The following KSR2 variants were observed in gnomAD, a reference collection of about 807,000 sequenced individuals.
KSR2 encodes kinase suppressor of ras 2.
KSR2 carries 25 observed loss-of-function variants against 107.8 expected under a neutral mutation model. The observed-to-expected ratio is 0.23, with a 90% CI of 0.17 to 0.32. KSR2 has a LOEUF of 0.32. Among genes scored for constraint, KSR2 ranks in the 10% least tolerant of loss-of-function variants. KSR2 has a pLI of 1.00. For synonymous variants in KSR2, 480 were observed against 507.0 expected (o/e 0.95, Z 0.71); for missense variants, 887 against 1,268.9 (o/e 0.70, Z 4.57).
At chr12:117,868,757 CTT>C (rs111436269) in intron 1 of KSR2, among the ~76,000 whole-genome samples, 2 of 148,052 alleles carry the variant, frequency 1.4e-5, no homozygotes, top group Admixed American at 6.7e-5. Flanking sequence ...ATTTTCTTTT[CTT>C]TTTTTTTTTG....
chr12:117,828,727 G>A (rs1891847416), intron 3 of KSR2, among the ~76,000 whole-genome samples: 1 of 152,172 alleles, frequency 6.6e-6, no homozygotes, highest in Non-Finnish European at 1.5e-5. Context: ...GCTTCCAGAA[G>A]GCATCCAGTA....
chr12:117,712,443 C>A (rs1014285054), intron 4 of KSR2, among the ~76,000 whole-genome samples: 4 of 152,172 alleles, frequency 2.6e-5, no homozygotes, highest in African/African-American at 9.7e-5. Flanking sequence ...GACAGAAACA[C>A]CACTAGCCGG....
At chr12:117,528,143 G>A (rs1048451810) in intron 12 of KSR2, among the ~76,000 whole-genome samples, 2 of 152,158 alleles carry the variant, frequency 1.3e-5, no homozygotes, top group African/African-American at 2.4e-5. Flanking sequence ...GTGTGCATGT[G>A]AGTTGGGTGT....
chr12:117,555,653 T>C (rs187981025), intron 8 of KSR2, among the ~76,000 whole-genome samples: 1 of 152,354 alleles, frequency 6.6e-6, no homozygotes, highest in East Asian at 1.9e-4. Context: ...TGGTGCCCTG[T>C]CCCTAACTTT....
At chr12:117,673,688 A>T (rs1385363111) in intron 4 of KSR2, among the ~76,000 whole-genome samples, 1 of 152,162 alleles carries the variant, frequency 6.6e-6, no homozygotes, top group Non-Finnish European at 1.5e-5. Flanking sequence ...GGTCAGGGGG[A>T]AAAAACAGAC....
At chr12:117,872,632 C>A (rs1893688228) in intron 1 of KSR2, among the ~76,000 whole-genome samples, 1 of 152,052 alleles carries the variant, frequency 6.6e-6, no homozygotes, top group African/African-American at 2.4e-5. Flanking sequence ...AATCTGGAGA[C>A]AGCCCAGGAA....
intron 5 of KSR2, among the ~76,000 whole-genome samples, chr12:117,600,050 A>T (rs10774943): frequency 0.43 from 65,307 of 151,856 alleles, 16,463 homozygotes; most frequent in African/African-American, 0.71. Flanking sequence ...TTGAGTGACC[A>T]GCAAGCTCTC....
chr12:117,864,881 T>G (rs1042709958), intron 1 of KSR2, among the ~76,000 whole-genome samples: 1 of 152,098 alleles, frequency 6.6e-6, no homozygotes, highest in Non-Finnish European at 1.5e-5. Flanking sequence ...TCTGAGACAT[T>G]GAGGATTAGG....
At chr12:117,524,251 GA>G (rs1229711047) in intron 14 of KSR2, among the ~76,000 whole-genome samples, 1 of 152,212 alleles carries the variant, frequency 6.6e-6, no homozygotes, top group African/African-American at 2.4e-5. Context: ...CACATATGGA[GA>G]AAGTGACTCT....
In KSR2 at chr12:117,565,034, G is replaced by A. The variant is rs1010924819; in HGVS notation, c.1326-6461C>T. On this transcript the variant is annotated intron_variant, in intron 7 of 19. Coordinates refer to ENST00000339824, the MANE Select transcript of KSR2 (RefSeq NM_173598.6). Reference sequence around the variant, plus strand: ...CAAACTGGATCTCCATGGGAACTGCGGGGGACAAATGGTCTCTTTCACAAG... The same window carrying A: ...CAAACTGGATCTCCATGGGAACTGCAGGGGACAAATGGTCTCTTTCACAAG... Among the ~76,000 whole-genome samples, 20 of 152,242 alleles carry A rather than the reference G, an allele frequency of 1.3e-4. No homozygotes were observed. The South Asian group carries it at 3.1e-3, about 24-fold the overall frequency.
In KSR2 at chr12:117,588,044, C is replaced by A. The variant is rs182011402; in HGVS notation, c.1172-5685G>T. Among the ~76,000 whole-genome samples, 27 of 152,270 alleles carry A rather than the reference C, an allele frequency of 1.8e-4. No individual in the cohort carries two copies. In the East Asian group the frequency reaches 4.6e-3, roughly 26 times the overall value. ...CCCAAGGTCATTCTCCCAGCACAGG[C>A]CTTTCCCACCGGAGCTATCATGATC... On this transcript the variant is annotated intron_variant, in intron 5 of 19. Coordinates refer to ENST00000339824, the MANE Select transcript of KSR2 (RefSeq NM_173598.6).
chr12:117,604,086 C>A (rs1881098755), intron 5 of KSR2, among the ~76,000 whole-genome samples: 1 of 152,198 alleles, frequency 6.6e-6, no homozygotes. Flanking sequence ...ACCTTCAGAT[C>A]AAACACCGCC....
intron 5 of KSR2, among the ~76,000 whole-genome samples, chr12:117,645,779 T>C (rs974406704): frequency 6.6e-6 from 1 of 151,882 alleles, no homozygotes; most frequent in African/African-American, 2.4e-5. Flanking sequence ...AGAAGCCTCA[T>C]CAAAAACCAC....
intron 15 of KSR2, among the ~76,000 whole-genome samples, chr12:117,484,952 G>A (rs1442517435): frequency 2.0e-5 from 3 of 152,202 alleles, no homozygotes; most frequent in East Asian, 1.9e-4. Flanking sequence ...AAGGCAATGA[G>A]TTCCTAAAGA....
At chr12:117,906,679 T>A (rs1894861020) in intron 1 of KSR2, among the ~76,000 whole-genome samples, 1 of 152,084 alleles carries the variant, frequency 6.6e-6, no homozygotes, top group African/African-American at 2.4e-5. Context: ...TGCTCATGAT[T>A]CTCTCATTGA....
chr12:117,594,779 C>A (rs888000422), intron 5 of KSR2, among the ~76,000 whole-genome samples: 1 of 152,188 alleles, frequency 6.6e-6, no homozygotes. Flanking sequence ...AGTTCTCAAT[C>A]GTGAGCCCTG....
At chr12:117,784,801 A>C (rs1345635591) in intron 3 of KSR2, among the ~76,000 whole-genome samples, 1 of 152,150 alleles carries the variant, frequency 6.6e-6, no homozygotes, top group Non-Finnish European at 1.5e-5. Flanking sequence ...GTTATCTCCA[A>C]AAGAAAAGAA....
intron 5 of KSR2, among the ~76,000 whole-genome samples, chr12:117,632,774 G>A (rs1882872127): frequency 6.6e-6 from 1 of 152,158 alleles, no homozygotes; most frequent in Non-Finnish European, 1.5e-5. Flanking sequence ...TTAAGTATAA[G>A]TGAAAACATG....
chr12:117,766,053 G>T (rs1376338297), intron 3 of KSR2, among the ~76,000 whole-genome samples: 2 of 152,094 alleles, frequency 1.3e-5, no homozygotes, highest in African/African-American at 2.4e-5. Flanking sequence ...TCCATCCTAG[G>T]TACAGACCCC....
Sources: allele counts gnomAD v4.1 joint callset (sites outside exome capture counted in the v4.1 genomes callset), GRCh38; gene constraint gnomAD v4.1.1; transcripts MANE v1.5; gene names NCBI Gene and HGNC (gene_info 2026-07-23, HGNC 2026-07-21).